The following TMOD2 variants were observed in gnomAD, a reference collection of about 807,000 sequenced individuals.
TMOD2 encodes the protein tropomodulin-2.
TMOD2 carries 22 observed loss-of-function variants against 39.9 expected under a neutral mutation model. The ratio of observed to expected loss-of-function variants is 0.55; its 90% CI spans 0.39 to 0.79. The LOEUF is 0.79. Ranked by LOEUF, TMOD2 falls within the 30% of genes least tolerant of loss-of-function variation. TMOD2 has a pLI of 0.00. For missense variants in TMOD2, 386 were observed against 413.3 expected (o/e 0.93, Z 0.57); for synonymous variants, 123 against 146.1 (o/e 0.84, Z 1.14).
intron 7 of TMOD2, among the ~76,000 whole-genome samples, chr15:51,788,641 C>A (rs1461558251): frequency 2.0e-5 from 3 of 152,280 alleles, no homozygotes; most frequent in Non-Finnish European, 4.4e-5. Flanking sequence ...GGGTTAAGCA[C>A]AAAGGGAAGT....
At chr15:51,764,375 G>A (rs953591826) in intron 1 of TMOD2, among the ~76,000 whole-genome samples, 45 of 152,122 alleles carry the variant, frequency 3.0e-4, no homozygotes, top group African/African-American at 1.1e-3. Flanking sequence ...CATGTGAAAG[G>A]GGTATCGACA....
intron 1 of TMOD2, among the ~76,000 whole-genome samples, chr15:51,753,106 C>T (rs1398858454): frequency 1.3e-5 from 2 of 152,026 alleles, no homozygotes; most frequent in African/African-American, 2.4e-5. Flanking sequence ...AGAGAAGTTG[C>T]GTACTGATGG....
chr15:51,765,401 A>C (rs1282914489), intron 1 of TMOD2, among the ~76,000 whole-genome samples: 2 of 152,172 alleles, frequency 1.3e-5, no homozygotes, highest in Non-Finnish European at 2.9e-5. Context: ...CTTCTTGGGG[A>C]AAGGTGGCAT....
chr15:51,769,161 G>A (rs2055836928), intron 3 of TMOD2, among the ~76,000 whole-genome samples: 1 of 152,214 alleles, frequency 6.6e-6, no homozygotes, highest in Admixed American at 6.5e-5. Context: ...TGGTGTGATG[G>A]TTCTCAAATT....
At chr15:51,783,780 T>A (rs1316335224) in intron 7 of TMOD2, 1 of 152,030 alleles carries the variant, frequency 6.6e-6, no homozygotes, top group African/African-American at 2.4e-5. Flanking sequence ...GATAGATAGA[T>A]AGATAGATAG....
intron 3 of TMOD2, among the ~76,000 whole-genome samples, chr15:51,770,679 C>T (rs907114971): frequency 2.6e-5 from 4 of 152,110 alleles, no homozygotes; most frequent in African/African-American, 9.7e-5. Flanking sequence ...ATGGCTCACA[C>T]CTGTAATCCC....
At position 51,810,995 on chromosome 15, in the gene TMOD2, A is replaced by G. The variant is rs2141649144; in HGVS notation, c.*2541A>G. 6.6e-6 allele frequency: 1 copy of G among 152,346 alleles called. No homozygotes were observed. Among genetic ancestry groups the G allele is most frequent in the East Asian group, 1.9e-4 (1 of 5,188 alleles). The allele number at this position is 152,346 out of a possible 1,614,324, so 9.4% of individuals were successfully genotyped here. On this transcript the variant is annotated 3_prime_UTR_variant, in exon 10 of 10. Transcript: ENST00000249700. ...TTATCAAAAATATAGCACTGTTTTT[A>G]CCTTATGAAATAGTTGGGTTGCATG...
At chr15:51,795,287 G>A (rs1054018493) in intron 7 of TMOD2, among the ~76,000 whole-genome samples, 4 of 152,042 alleles carry the variant, frequency 2.6e-5, no homozygotes, top group Non-Finnish European at 5.9e-5. Flanking sequence ...TTAGCCAGGC[G>A]TGGTGGCCCA....
chr15:51,774,513 G>A (rs1595867162), intron 4 of TMOD2, among the ~76,000 whole-genome samples: 1 of 152,274 alleles, frequency 6.6e-6, no homozygotes, highest in Non-Finnish European at 1.5e-5. Context: ...CCAGTCCACA[G>A]CTTTAGCAAG....
At position 51,816,164 on chromosome 15, in the gene TMOD2, G is replaced by T. The variant is rs1321107714; in HGVS notation, c.*7710G>T. On this transcript the variant is annotated 3_prime_UTR_variant, in exon 10 of 10. Transcript: ENST00000249700. ...CCCTGGATAATTATTCAGGACCCCA[G>T]TTGGCCCAAATAGGTGCAATTTTTA... 1.3e-5 allele frequency: 2 copies of T among 152,222 alleles called. No homozygotes were observed. Among genetic ancestry groups the T allele is most frequent in the Non-Finnish European group, 2.9e-5 (2 of 68,032 alleles). The allele number at this position is 152,222 out of a possible 1,614,324, so 9.4% of individuals were successfully genotyped here.
chr15:51,795,700 A>G (rs1322775350), intron 7 of TMOD2, among the ~76,000 whole-genome samples: 1 of 146,802 alleles, frequency 6.8e-6, no homozygotes, highest in Non-Finnish European at 1.5e-5. Context: ...ACATCTCTTA[A>G]GGTTTTCTCA....
intron 7 of TMOD2, among the ~76,000 whole-genome samples, chr15:51,795,464 C>T (rs1170341043): frequency 6.6e-6 from 1 of 151,078 alleles, no homozygotes; most frequent in Non-Finnish European, 1.5e-5. Flanking sequence ...ATTCATTCTG[C>T]TGAGTGTCTA....
chr15:51,776,351 C>T (rs1394240219), intron 4 of TMOD2, among the ~76,000 whole-genome samples: 3 of 152,180 alleles, frequency 2.0e-5, no homozygotes, highest in Non-Finnish European at 4.4e-5. Context: ...GTGTTGTTTC[C>T]TGCATTCTGT....
intron 7 of TMOD2, chr15:51,784,868 C>G (rs1284923401): frequency 6.6e-6 from 1 of 152,136 alleles, no homozygotes; most frequent in Non-Finnish European, 1.5e-5. Context: ...AGTAAAATTG[C>G]AGGGCTGGGG....
At position 51,811,024 on chromosome 15, in the gene TMOD2, C is replaced by G. The variant is rs535879414; in HGVS notation, c.*2570C>G. ...TATGAAATAGTTGGGTTGCATGCAA[C>G]AGAGTCTATGAAATCAAATGTTTTT... On this transcript the variant is annotated 3_prime_UTR_variant, in exon 10 of 10. Coordinates refer to ENST00000249700, the MANE Select transcript of TMOD2 (RefSeq NM_014548.4). 87 of 152,292 alleles carry G rather than the reference C, an allele frequency of 5.7e-4. No individual in the cohort carries two copies. The highest frequency in any genetic ancestry group is 2.0e-3 in the African/African-American group (82 of 41,542). The allele number at this position is 152,292 out of a possible 1,614,324, so 9.4% of individuals were successfully genotyped here.
chr15:51,776,785 A>G (rs1190830503), intron 4 of TMOD2, 147 bp from the exon 5 acceptor site: 8 of 619,498 alleles, frequency 1.3e-5, no homozygotes, highest in Non-Finnish European at 2.3e-5. Context: ...ATTTAACGCT[A>G]TACATGTACC....
intron 8 of TMOD2, among the ~76,000 whole-genome samples, chr15:51,801,865 G>A (rs2056092538): frequency 6.6e-6 from 1 of 151,916 alleles, no homozygotes; most frequent in African/African-American, 2.4e-5. Context: ...GCTGAGGCAG[G>A]AGAATCCCTT....
rs1282715213 is a variant in TMOD2 at position 51,797,483 on chromosome 15, T to A, written c.733-714T>A. 4.6e-5 allele frequency among the ~76,000 whole-genome samples: 7 copies of A among 152,252 alleles called. No individual in the cohort carries two copies. In the East Asian group the frequency reaches 1.2e-3, roughly 25 times the overall value. On this transcript the variant is annotated intron_variant, in intron 7 of 9. Transcript: ENST00000249700. ...GCTAATTTATCTGTGAATCTTTCTATTTTCTGTATTTCAGCAATTCCTCAA... is the reference window on the plus strand; with the variant it reads ...GCTAATTTATCTGTGAATCTTTCTAATTTCTGTATTTCAGCAATTCCTCAA...
At chr15:51,767,800 G>A (rs1365584984) in intron 2 of TMOD2, among the ~76,000 whole-genome samples, 1 of 152,190 alleles carries the variant, frequency 6.6e-6, no homozygotes, top group Non-Finnish European at 1.5e-5. Flanking sequence ...ATTAAGGAAG[G>A]AATCTGAAAG....
Sources: gnomAD v4.1 joint callset for allele counts (sites outside exome capture counted in the v4.1 genomes callset) on GRCh38, gnomAD v4.1.1 for gene constraint, MANE v1.5 for transcripts, NCBI Gene and HGNC (gene_info 2026-07-23, HGNC 2026-07-21) for gene names.